LRFN5: variants seen among roughly 807,000 people sequenced by gnomAD.
The protein encoded by LRFN5 is leucine rich repeat and fibronectin type III domain containing 5.
A neutral mutation model predicts 45.6 loss-of-function variants in LRFN5; 24 were observed. The observed-to-expected ratio is 0.53, with a 90% CI of 0.38 to 0.74. The LOEUF (loss-of-function observed/expected upper bound fraction) is 0.74. LRFN5 is among the 30% of genes least tolerant of loss of function. The probability of loss-of-function intolerance (pLI) is 0.00; values close to 1 mark genes in which losing one functional copy is unlikely to be tolerated. For missense variants in LRFN5, 776 were observed against 861.5 expected (o/e 0.90, Z 1.24); for synonymous variants, 340 against 313.8 (o/e 1.08, Z -0.88).
intron 1 of LRFN5, among the ~76,000 whole-genome samples, chr14:41,673,689 C>T (rs889089100): frequency 6.9e-6 from 1 of 144,216 alleles, no homozygotes; most frequent in African/African-American, 2.6e-5. Context: ...CCCCACCTCC[C>T]TCCTGGATGG....
chr14:41,764,152 A>G (rs1029272085), intron 1 of LRFN5, among the ~76,000 whole-genome samples: 2 of 152,146 alleles, frequency 1.3e-5, no homozygotes, highest in Admixed American at 6.5e-5. Flanking sequence ...TTACTTTAAT[A>G]TAGAATCCTT....
At chr14:41,860,155 G>T (rs942931338) in intron 2 of LRFN5, among the ~76,000 whole-genome samples, 9 of 151,924 alleles carry the variant, frequency 5.9e-5, no homozygotes, top group Non-Finnish European at 4.4e-5. Context: ...ATAGTCCAGA[G>T]AACAAACAAA....
In LRFN5 at chr14:41,888,028, A is replaced by G; in HGVS notation, c.1385+18A>G. 1 of 1,553,264 alleles carries G rather than the reference A, an allele frequency of 6.4e-7. No individual in the cohort carries two copies. The highest frequency in any genetic ancestry group is 8.7e-7 in the Non-Finnish European group (1 of 1,146,404). ...GTTTACAGGTAAGAAAAATTGAGCA[A>G]ATTTGTATACTTACCATGCATCTTA... On this transcript the variant is annotated intron_variant, in intron 3 of 5. Transcript: ENST00000298119.
Position 41,606,881 on chromosome 14 carries a change from C to T in LRFN5, c.-1878C>T, listed in dbSNP as rs1490609244. Among the ~76,000 whole-genome samples, 9 of 151,952 alleles carry T rather than the reference C, an allele frequency of 5.9e-5. No homozygotes were observed. Among genetic ancestry groups the T allele is most frequent in the African/African-American group, 2.2e-4 (9 of 41,424 alleles). On this transcript the variant is annotated 5_prime_UTR_variant, in exon 1 of 6. Coordinates refer to ENST00000298119, the MANE Select transcript of LRFN5 (RefSeq NM_152447.5). Reference sequence around the variant, plus strand: ...ACGGCCGCGCGCCCGCCGCCGCCGCCGCCGCCGCCTTCATGCTGCAGCGCA... The same window carrying T: ...ACGGCCGCGCGCCCGCCGCCGCCGCTGCCGCCGCCTTCATGCTGCAGCGCA...
intron 2 of LRFN5, among the ~76,000 whole-genome samples, chr14:41,816,534 A>G (rs1887924193): frequency 6.6e-6 from 1 of 151,990 alleles, no homozygotes. Context: ...TTTTTGAAGG[A>G]TAATTTCATA....
At chr14:41,697,440 CAT>C (rs1391923148) in intron 1 of LRFN5, among the ~76,000 whole-genome samples, 16 of 151,888 alleles carry the variant, frequency 1.1e-4, no homozygotes, top group Admixed American at 2.6e-4. Flanking sequence ...TACTGTTAGA[CAT>C]GTGTTAAAAT....
chr14:41,883,465 G>T (rs1048614242), intron 2 of LRFN5, among the ~76,000 whole-genome samples: 1 of 152,080 alleles, frequency 6.6e-6, no homozygotes, highest in Admixed American at 6.6e-5. Context: ...TCAGCCTAAA[G>T]ACACTATCCT....
chr14:41,678,800 A>G (rs1346325633), intron 1 of LRFN5, among the ~76,000 whole-genome samples: 1 of 152,214 alleles, frequency 6.6e-6, no homozygotes, highest in Non-Finnish European at 1.5e-5. Flanking sequence ...TCATATGAGC[A>G]GTCATGGTAC....
Position 41,875,163 on chromosome 14 carries a change from T to A in LRFN5, c.-20-11443T>A, listed in dbSNP as rs189081587. On this transcript the variant is annotated intron_variant, in intron 2 of 5. Coordinates refer to ENST00000298119, the MANE Select transcript of LRFN5 (RefSeq NM_152447.5). ...CTACTGTTTTAATTAATTGAAGTTT[T>A]ATATATGAATTATCTCCCTCTTTTC... Among the ~76,000 whole-genome samples the A allele has an allele frequency of 4.2e-3, 646 of 152,354 alleles. 3 individuals are homozygous for A. The highest frequency in any genetic ancestry group is 0.015 in the African/African-American group (622 of 41,580).
At chr14:41,835,034 G>A (rs903748741) in intron 2 of LRFN5, among the ~76,000 whole-genome samples, 15 of 150,446 alleles carry the variant, frequency 1.0e-4, no homozygotes, top group African/African-American at 3.7e-4. Flanking sequence ...ACATGAAATA[G>A]AAGAGAATCT....
intron 2 of LRFN5, among the ~76,000 whole-genome samples, chr14:41,832,239 A>T (rs79151394): frequency 0.086 from 13,028 of 152,148 alleles, 1,178 homozygotes; most frequent in East Asian, 0.49. Flanking sequence ...TTTATTTCTG[A>T]ATTGTCTGTG....
intron 2 of LRFN5, among the ~76,000 whole-genome samples, chr14:41,828,956 A>G (rs892733658): frequency 1.3e-5 from 2 of 151,894 alleles, no homozygotes; most frequent in Admixed American, 1.3e-4. Context: ...GATATTACAC[A>G]TAATGTCTTT....
At chr14:41,736,904 C>T (rs1023638481) in intron 1 of LRFN5, among the ~76,000 whole-genome samples, 11 of 152,096 alleles carry the variant, frequency 7.2e-5, no homozygotes, top group Non-Finnish European at 1.5e-5. Flanking sequence ...GATTCACAGC[C>T]AAATTCTACC....
At chr14:41,827,065 A>G (rs890340315) in intron 2 of LRFN5, among the ~76,000 whole-genome samples, 5 of 152,076 alleles carry the variant, frequency 3.3e-5, no homozygotes, top group Non-Finnish European at 7.4e-5. Context: ...ACCTTACCTA[A>G]TTCAAAAATC....
chr14:41,648,435 G>A (rs1295193959), intron 1 of LRFN5, among the ~76,000 whole-genome samples: 1 of 152,012 alleles, frequency 6.6e-6, no homozygotes, highest in Non-Finnish European at 1.5e-5. Context: ...AGTAATCTTA[G>A]TCTAGGCAAC....
chr14:41,640,199 A>C (rs1416029871), intron 1 of LRFN5, among the ~76,000 whole-genome samples: 1 of 152,012 alleles, frequency 6.6e-6, no homozygotes, highest in Admixed American at 6.6e-5. Context: ...TGTCCGTCTG[A>C]AGGCCCTGAC....
At chr14:41,761,526 C>T (rs992392158) in intron 1 of LRFN5, among the ~76,000 whole-genome samples, 4 of 152,012 alleles carry the variant, frequency 2.6e-5, no homozygotes, top group African/African-American at 7.2e-5. Flanking sequence ...CCACTAAGAG[C>T]GACAATAATG....
At chr14:41,700,301 A>G (rs1313312555) in intron 1 of LRFN5, 1 of 152,108 alleles carries the variant, frequency 6.6e-6, no homozygotes, top group African/African-American at 2.4e-5. Flanking sequence ...AATTAGAAAG[A>G]AATTTAGTTT....
At chr14:41,850,415 A>G (rs537718062) in intron 2 of LRFN5, among the ~76,000 whole-genome samples, 4 of 151,824 alleles carry the variant, frequency 2.6e-5, no homozygotes, top group Non-Finnish European at 5.9e-5. Flanking sequence ...CATCTAAGAA[A>G]CATAGTCACT....
Sources: gnomAD v4.1 joint callset for allele counts (sites outside exome capture counted in the v4.1 genomes callset) on GRCh38, gnomAD v4.1.1 for gene constraint, MANE v1.5 for transcripts, NCBI Gene and HGNC (gene_info 2026-07-23, HGNC 2026-07-21) for gene names.